CDKL4: variants seen among roughly 807,000 people sequenced by gnomAD.
CDKL4 encodes the protein cyclin dependent kinase like 4, also known as cyclin-dependent kinase-like 4.
A neutral mutation model predicts 42.0 loss-of-function variants in CDKL4; 44 were observed. The ratio of observed to expected loss-of-function variants is 1.05; its 90% CI spans 0.82 to 1.35. The LOEUF is 1.35. Ranked by LOEUF, CDKL4 falls within the 40% of genes most tolerant of loss-of-function variation. CDKL4 has a pLI of 0.00. For synonymous variants in CDKL4, 120 were observed against 121.6 expected, an observed-to-expected ratio of 0.99 and a Z score of 0.09; for missense variants, 393 against 369.9, an observed-to-expected ratio of 1.06 and a Z score of -0.51.
chr2:39,220,976 CTTTTTTTTTTT>C (rs1157655136), intron 3 of CDKL4, among the ~76,000 whole-genome samples: 21 of 49,144 alleles, frequency 4.3e-4, no homozygotes, highest in Non-Finnish European at 7.0e-4. Context: ...CATCGACGAT[CTTTTTTTTTTT>C]TTTTTTTTTT....
At chr2:39,190,268 A>C (rs751567468) in intron 6 of CDKL4, 37 bp downstream of exon 6, 2 of 1,460,070 alleles carry the variant, frequency 1.4e-6, no homozygotes, top group Non-Finnish European at 1.9e-6. Context: ...TGCTATAACA[A>C]TTCAGCAACT....
In CDKL4 at chr2:39,229,436, T is replaced by A. The variant is rs199615719; in HGVS notation, c.97A>T (p.Lys33Ter). 2.5e-6 allele frequency: 4 copies of A among 1,613,354 alleles called. No homozygotes were observed. The highest frequency in any genetic ancestry group is 2.5e-6 in the Non-Finnish European group (3 of 1,179,656). ...TCATCTTCAGATTCCACAAATTTTT[T>A]AACAGCTACTACTTGTCCAGAGGTT... is the stretch of plus-strand genomic sequence containing the variant. The change falls in exon 2 of 10, where the codon AAA (lysine) becomes TAA (stop). Residue 33 changes from lysine to a stop codon, truncating the protein, a stop_gained. Transcript: ENST00000451199. LOFTEE classifies it high-confidence loss of function.
At chr2:39,211,762 A>T (rs1677597761) in intron 4 of CDKL4, among the ~76,000 whole-genome samples, 1 of 152,032 alleles carries the variant, frequency 6.6e-6, no homozygotes. Context: ...AACAACGTTG[A>T]CAGGGAAAAT....
At chr2:39,177,746 G>A (rs1675225172) in intron 9 of CDKL4, among the ~76,000 whole-genome samples, 2 of 150,946 alleles carry the variant, frequency 1.3e-5, no homozygotes, top group South Asian at 2.1e-4. Context: ...CTGCAGTGCA[G>A]TGACACAATC....
intron 1 of CDKL4, among the ~76,000 whole-genome samples, chr2:39,239,787 T>C (rs1679562122): frequency 6.6e-6 from 1 of 152,206 alleles, no homozygotes; most frequent in South Asian, 2.1e-4. Flanking sequence ...AGTTTGGCAA[T>C]GTCTTAAAAG....
intron 5 of CDKL4, among the ~76,000 whole-genome samples, chr2:39,203,182 C>G (rs1180216416): frequency 6.6e-6 from 1 of 151,714 alleles, no homozygotes; most frequent in Admixed American, 6.6e-5. Flanking sequence ...GCATATTCAG[C>G]TCAGAAATGC....
chr2:39,212,953 T>G (rs1328262655), intron 4 of CDKL4, among the ~76,000 whole-genome samples: 1 of 152,170 alleles, frequency 6.6e-6, no homozygotes, highest in African/African-American at 2.4e-5. Flanking sequence ...TGAGCCACCA[T>G]ACCGGCCCTG....
chr2:39,238,561 C>T (rs1334668956), intron 1 of CDKL4, among the ~76,000 whole-genome samples: 1 of 151,926 alleles, frequency 6.6e-6, no homozygotes, highest in Non-Finnish European at 1.5e-5. Context: ...GCCAAATCAA[C>T]TTTGAAAAAG....
intron 3 of CDKL4, among the ~76,000 whole-genome samples, chr2:39,213,759 TA>T (rs1252758850): frequency 6.6e-6 from 1 of 151,784 alleles, no homozygotes; most frequent in African/African-American, 2.4e-5. Context: ...AGGAAAGGAA[TA>T]AAAAAAAGAA....
At chr2:39,236,118 G>C (rs1249553695) in intron 1 of CDKL4, among the ~76,000 whole-genome samples, 1 of 102,744 alleles carries the variant, frequency 9.7e-6, no homozygotes, top group African/African-American at 3.6e-5. Flanking sequence ...ATCAGAAAAT[G>C]AAAATAAAAA....
intron 3 of CDKL4, among the ~76,000 whole-genome samples, chr2:39,217,236 C>T (rs550175068): frequency 1.5e-4 from 23 of 152,258 alleles, no homozygotes; most frequent in Middle Eastern, 3.4e-3. Flanking sequence ...ACCAAATATT[C>T]GGTTGGTACA....
intron 3 of CDKL4, among the ~76,000 whole-genome samples, chr2:39,216,909 T>G (rs1361330034): frequency 6.6e-6 from 1 of 152,164 alleles, no homozygotes; most frequent in East Asian, 1.9e-4. Flanking sequence ...TTTAAAGGCA[T>G]CTCACAGGAA....
downstream of CDKL4, among the ~76,000 whole-genome samples, chr2:39,173,212 T>C (rs1675046923): frequency 6.6e-6 from 1 of 152,222 alleles, no homozygotes; most frequent in Non-Finnish European, 1.5e-5. Context: ...TCTATATAGA[T>C]ACATAATATA....
Position 39,185,283 on chromosome 2 carries a change from TATATATAC to T in CDKL4, c.736-644_736-637del, listed in dbSNP as rs1180235659. 1.1e-3 allele frequency among the ~76,000 whole-genome samples: 38 copies of T among 33,566 alleles called. 11 individuals carry two copies. Among genetic ancestry groups the T allele is most frequent in the African/African-American group, 3.4e-3 (33 of 9,828 alleles). 22.0% of individuals were successfully genotyped at this position (33,566 alleles called of 152,430 possible). A position where few individuals can be genotyped will look rare whatever the true frequency, so the allele number is the denominator to read the frequency against. ...ATATATACATATATATACACATATG[TATATATAC>T]ATATATATACACATATGTATATATA... On this transcript the variant is annotated intron_variant, in intron 7 of 9. Transcript: ENST00000451199.
intron 3 of CDKL4, among the ~76,000 whole-genome samples, chr2:39,219,972 CCTTA>C (rs1678203594): frequency 6.6e-6 from 1 of 152,072 alleles, no homozygotes; most frequent in Non-Finnish European, 1.5e-5. Flanking sequence ...TAAAAGAACC[CCTTA>C]CTTCTTGTTT....
intron 3 of CDKL4, among the ~76,000 whole-genome samples, chr2:39,223,185 G>A (rs1017842164): frequency 6.6e-6 from 1 of 152,054 alleles, no homozygotes; most frequent in Non-Finnish European, 1.5e-5. Context: ...ATACCAAAAT[G>A]CCTGTAACCA....
intron 3 of CDKL4, among the ~76,000 whole-genome samples, chr2:39,219,328 A>G (rs112893200): frequency 0.021 from 3,231 of 152,322 alleles, 106 homozygotes; most frequent in African/African-American, 0.074. Flanking sequence ...TGATGTAATG[A>G]GGACGGAAGG....
intron 3 of CDKL4, among the ~76,000 whole-genome samples, chr2:39,217,525 C>T (rs760942251): frequency 8.5e-5 from 13 of 152,134 alleles, no homozygotes; most frequent in Non-Finnish European, 1.8e-4. Context: ...CAGTCCTTCT[C>T]AGTAAATCTT....
chr2:39,202,911 T>C (rs930815549), intron 5 of CDKL4, among the ~76,000 whole-genome samples: 6 of 152,220 alleles, frequency 3.9e-5, no homozygotes, highest in African/African-American at 1.2e-4. Context: ...AACCAGTGCC[T>C]GAGCTCATGT....
Sources: gnomAD v4.1 joint callset for allele counts (sites outside exome capture counted in the v4.1 genomes callset) on GRCh38, gnomAD v4.1.1 for gene constraint, MANE v1.5 for transcripts, NCBI Gene and HGNC (gene_info 2026-07-23, HGNC 2026-07-21) for gene names.